WDR7: variants seen among roughly 807,000 people sequenced by gnomAD.
WDR7 encodes WD repeat-containing protein 7.
In WDR7, 46 loss-of-function variants were observed where a neutral mutation model predicts 169.4. The ratio of observed to expected loss-of-function variants is 0.27; its 90% CI spans 0.21 to 0.35. WDR7 has a LOEUF of 0.35. Ranked by LOEUF, WDR7 falls within the 10% of genes least tolerant of loss-of-function variation. The probability of loss-of-function intolerance (pLI) is 1.00; values close to 1 mark genes in which losing one functional copy is unlikely to be tolerated. For missense variants in WDR7, 1,534 were observed against 1,859.3 expected (o/e 0.83, Z 3.22); for synonymous variants, 612 against 666.8 (o/e 0.92, Z 1.27).
At chr18:56,814,705 G>A (rs778005671) in intron 19 of WDR7, among the ~76,000 whole-genome samples, 12 of 151,726 alleles carry the variant, frequency 7.9e-5, no homozygotes, top group Admixed American at 1.3e-4. Context: ...TATTACCTGC[G>A]TAATGAAATA....
At chr18:56,870,454 G>A (rs1488093052) in intron 20 of WDR7, among the ~76,000 whole-genome samples, 2 of 152,024 alleles carry the variant, frequency 1.3e-5, no homozygotes, top group Non-Finnish European at 2.9e-5. Context: ...CAAAAGTGTA[G>A]TTCTAGCTTG....
intron 17 of WDR7, 99 bp downstream of exon 17, chr18:56,776,979 G>A: frequency 3.5e-6 from 4 of 1,142,566 alleles, no homozygotes; most frequent in Non-Finnish European, 5.2e-6. Flanking sequence ...GCTTTGTTAT[G>A]TATGAGATTC....
chr18:56,716,457 A>G (rs372877707), intron 12 of WDR7, among the ~76,000 whole-genome samples: 2 of 152,216 alleles, frequency 1.3e-5, no homozygotes, highest in African/African-American at 4.8e-5. Context: ...AAGAATAAAT[A>G]GTTAAATATT....
intron 26 of WDR7, among the ~76,000 whole-genome samples, chr18:56,972,419 GCA>G (rs774483473): frequency 5.3e-5 from 8 of 152,190 alleles, no homozygotes; most frequent in Non-Finnish European, 1.2e-4. Context: ...TACATCAAGG[GCA>G]CTTATGTGGT....
At chr18:56,732,194 C>A (rs911985434) in intron 14 of WDR7, among the ~76,000 whole-genome samples, 2 of 151,936 alleles carry the variant, frequency 1.3e-5, no homozygotes, top group African/African-American at 2.4e-5. Flanking sequence ...AAAACCAATC[C>A]CAATTCATGA....
At chr18:56,701,795 A>G (rs556598058) in intron 12 of WDR7, among the ~76,000 whole-genome samples, 1 of 152,326 alleles carries the variant, frequency 6.6e-6, no homozygotes, top group South Asian at 2.1e-4. Context: ...AAATATTACT[A>G]AGGAAGTGCA....
intron 21 of WDR7, among the ~76,000 whole-genome samples, chr18:56,893,855 A>G (rs1375104851): frequency 1.3e-5 from 2 of 152,102 alleles, no homozygotes; most frequent in Non-Finnish European, 2.9e-5. Context: ...TTGACATCAC[A>G]TTGTATCTGC....
At chr18:57,016,139 T>C (rs1475942255) in intron 26 of WDR7, among the ~76,000 whole-genome samples, 5 of 152,064 alleles carry the variant, frequency 3.3e-5, no homozygotes, top group Non-Finnish European at 7.3e-5. Flanking sequence ...GCCCCTCAAA[T>C]TGCAACTGCC....
rs147866844 is a variant in WDR7 at position 56,809,514 on chromosome 18, A to G, written c.3191-6517A>G. Among the ~76,000 whole-genome samples the G allele has an allele frequency of 7.6e-3, 1,153 of 152,240 alleles. 15 individuals are homozygous for G. Among genetic ancestry groups the G allele is most frequent in the African/African-American group, 0.027 (1,110 of 41,548 alleles). ...CAAAAGAATATACCAAAATATCACC[A>G]TATAATTAATTGACAATATTTATAA... On this transcript the variant is annotated intron_variant, in intron 19 of 27. Transcript: ENST00000254442.
At chr18:56,854,549 C>T (rs2045689755) in intron 20 of WDR7, among the ~76,000 whole-genome samples, 1 of 152,186 alleles carries the variant, frequency 6.6e-6, no homozygotes, top group Non-Finnish European at 1.5e-5. Context: ...ATGACTGAAG[C>T]ATGGACATCC....
intron 14 of WDR7, among the ~76,000 whole-genome samples, chr18:56,743,653 G>A (rs1469915101): frequency 6.6e-6 from 1 of 152,190 alleles, no homozygotes; most frequent in East Asian, 1.9e-4. Context: ...AGGAGTGAAA[G>A]GAAAGTGTGG....
At position 56,757,273 on chromosome 18, in the gene WDR7, A is replaced by G. The variant is rs372037573; in HGVS notation, c.2680A>G (p.Ile894Val). 181 of 1,614,190 alleles carry G rather than the reference A, an allele frequency of 1.1e-4. No homozygotes were observed. The highest frequency in any genetic ancestry group is 1.5e-4 in the African/African-American group (11 of 75,052). ...RAVTTQHLLSIISLANTLMSM... is the reference protein window; with the variant it reads ...RAVTTQHLLSVISLANTLMSM... ...CGTCACCACACAGCATCTCCTGTCT[A>G]TCATTTCTTTGGCAAATACTTTAAT... The change falls in exon 15 of 28, where the codon ATC (isoleucine) becomes GTC (valine). Residue 894 changes from isoleucine (I) to valine (V), a missense_variant. Ile to Val is a conservative substitution (Grantham distance 29). Transcript: ENST00000254442.
chr18:57,004,620 A>G lies in WDR7; in HGVS notation c.4165-16125A>G, dbSNP rs75045811. Among the ~76,000 whole-genome samples the G allele has an allele frequency of 5.4e-3, 816 of 152,310 alleles. 1 individual carries two copies. Among genetic ancestry groups the G allele is most frequent in the Middle Eastern group, 0.01 (3 of 294 alleles). On this transcript the variant is annotated intron_variant, in intron 26 of 27. Transcript: ENST00000254442. ...GCAACCTACTAAACGTAAAAATGTC[A>G]CTAGCAGGTCATTTTAAAAATTACC...
chr18:56,966,330 C>T (rs1321957595), intron 26 of WDR7, among the ~76,000 whole-genome samples: 1 of 152,030 alleles, frequency 6.6e-6, no homozygotes, highest in African/African-American at 2.4e-5. Flanking sequence ...ACCTCTTCTC[C>T]CTCTGCCACC....
chr18:56,805,053 C>T (rs2044747290), intron 19 of WDR7, among the ~76,000 whole-genome samples: 1 of 152,104 alleles, frequency 6.6e-6, no homozygotes, highest in South Asian at 2.1e-4. Context: ...AGACCTTCCC[C>T]ACCTAGTCCA....
chr18:56,752,296 C>T (rs953539205), intron 14 of WDR7, among the ~76,000 whole-genome samples: 36 of 152,290 alleles, frequency 2.4e-4, no homozygotes, highest in Middle Eastern at 6.8e-3. Flanking sequence ...TCATGTGATA[C>T]TTCTGTCTTT....
chr18:56,781,834 C>G, intron 19 of WDR7, 178 bp downstream of exon 19: 1 of 691,092 alleles, frequency 1.4e-6, no homozygotes, highest in Non-Finnish European at 2.0e-6. Flanking sequence ...TTGGAACTTG[C>G]TTTAAAAAAC....
intron 22 of WDR7, among the ~76,000 whole-genome samples, chr18:56,926,395 T>A (rs1044143705): frequency 1.3e-5 from 2 of 152,246 alleles, no homozygotes; most frequent in Non-Finnish European, 2.9e-5. Context: ...GAAATTTTGC[T>A]TTGACTTAAT....
intron 20 of WDR7, among the ~76,000 whole-genome samples, chr18:56,826,237 A>G (rs1463408215): frequency 6.6e-6 from 1 of 152,218 alleles, no homozygotes; most frequent in African/African-American, 2.4e-5. Context: ...CTTATAATTG[A>G]TATCAAACTC....
Sources: allele counts gnomAD v4.1 joint callset (sites outside exome capture counted in the v4.1 genomes callset), GRCh38; gene constraint gnomAD v4.1.1; transcripts MANE v1.5; gene names NCBI Gene and HGNC (gene_info 2026-07-23, HGNC 2026-07-21).